The following DOCK3 variants were observed in gnomAD, a reference collection of about 807,000 sequenced individuals.
DOCK3 encodes the protein dedicator of cytokinesis 3, also known as dedicator of cytokinesis protein 3.
DOCK3 carries 60 observed loss-of-function variants against 265.6 expected under a neutral mutation model. The observed-to-expected ratio is 0.23, with a 90% CI of 0.18 to 0.28. The LOEUF is 0.28. Ranked by LOEUF, DOCK3 falls within the 10% of genes least tolerant of loss-of-function variation. The pLI is 1.00. For missense variants in DOCK3, 1,981 were observed against 2,594.3 expected, an observed-to-expected ratio of 0.76 and a Z score of 5.14; for synonymous variants, 881 against 938.0, an observed-to-expected ratio of 0.94 and a Z score of 1.11.
In DOCK3 at chr3:51,360,608, G is replaced by T. The variant is rs763821787; in HGVS notation, c.4982G>T (p.Ser1661Ile). Residue 1661 changes from serine to isoleucine, a missense_variant, in exon 47 of 53, where the codon AGC (serine) becomes ATC (isoleucine). Transcript: ENST00000266037. ...LASHSPMSPE[S>I]IKMTHRHSPM... is the part of the protein sequence containing the mutation. ...TCCCATAGCCCCATGAGTCCGGAGA[G>T]CATCAAGATGACCCACCGGCACAGG... is the stretch of plus-strand genomic sequence containing the variant. 1.9e-6 allele frequency: 3 copies of T among 1,613,806 alleles called. No homozygotes were observed. Among genetic ancestry groups the T allele is most frequent in the Non-Finnish European group, 2.5e-6 (3 of 1,179,874 alleles).
intron 2 of DOCK3, among the ~76,000 whole-genome samples, chr3:50,822,066 A>G (rs999429817): frequency 6.6e-6 from 1 of 152,166 alleles, no homozygotes; most frequent in African/African-American, 2.4e-5. Flanking sequence ...TGATAGGAAT[A>G]GTGTTGAATC....
At chr3:51,034,060 G>C (rs986366593) in intron 5 of DOCK3, among the ~76,000 whole-genome samples, 1 of 152,062 alleles carries the variant, frequency 6.6e-6, no homozygotes, top group Non-Finnish European at 1.5e-5. Flanking sequence ...TTCTTGTTCA[G>C]ACTTGTGTCA....
chr3:51,208,907 T>G (rs1374350784), intron 13 of DOCK3, 45 bp downstream of exon 13: 1 of 1,541,828 alleles, frequency 6.5e-7, no homozygotes, highest in Non-Finnish European at 8.8e-7. Context: ...ACATTTGTAG[T>G]TGCTACTCAT....
At chr3:51,126,108 CAGAG>C (rs573973008) in intron 9 of DOCK3, among the ~76,000 whole-genome samples, 1 of 152,136 alleles carries the variant, frequency 6.6e-6, no homozygotes, top group Non-Finnish European at 1.5e-5. Context: ...TAAGTACAGT[CAGAG>C]AGACTGAGAG....
chr3:50,933,942 C>T (rs751944895), intron 4 of DOCK3, 39 bp from the exon 5 acceptor site: 5 of 1,407,658 alleles, frequency 3.6e-6, no homozygotes, highest in Non-Finnish European at 4.8e-6. Flanking sequence ...AGATTTTTTT[C>T]AGAGATAATG....
intron 3 of DOCK3, among the ~76,000 whole-genome samples, chr3:50,846,114 A>G (rs1204107213): frequency 3.9e-5 from 6 of 152,224 alleles, no homozygotes; most frequent in African/African-American, 1.4e-4. Flanking sequence ...AAAGAATAGC[A>G]CTGCAAATGA....
intron 27 of DOCK3, among the ~76,000 whole-genome samples, chr3:51,307,825 G>A (rs1283877270): frequency 6.7e-6 from 1 of 148,962 alleles, no homozygotes; most frequent in Non-Finnish European, 1.5e-5. Flanking sequence ...CCATTCTCTG[G>A]TTTGCCCGAA....
At position 50,976,670 on chromosome 3, in the gene DOCK3, A is replaced by G. The variant is rs571651092; in HGVS notation, c.315+42593A>G. On this transcript the variant is annotated intron_variant, in intron 5 of 52. Coordinates refer to ENST00000266037, the MANE Select transcript of DOCK3 (RefSeq NM_004947.5). The stretch of plus-strand genomic sequence containing the variant: ...GATGTCTATTAGGTCTGCTTGGTGC[A>G]GAGCTGAGTTCAATTGCTGGGTATC... Among the ~76,000 whole-genome samples the G allele has an allele frequency of 7.1e-4, 108 of 152,108 alleles. 1 individual carries two copies. The highest frequency in any genetic ancestry group is 6.2e-3 in the East Asian group (32 of 5,164).
At chr3:51,300,006 T>C (rs535159013) in intron 27 of DOCK3, among the ~76,000 whole-genome samples, 27 of 152,360 alleles carry the variant, frequency 1.8e-4, no homozygotes, top group African/African-American at 5.8e-4. Flanking sequence ...CTTTGGGCAG[T>C]ATGGCCATTT....
chr3:51,334,361 T>G (rs1028961388), intron 35 of DOCK3, among the ~76,000 whole-genome samples: 2 of 152,192 alleles, frequency 1.3e-5, no homozygotes, highest in African/African-American at 4.8e-5. Flanking sequence ...CTCTGTGCTA[T>G]AAGCTGTGCA....
chr3:50,831,188 TATTTATTTATTTA>T (rs762460923), intron 2 of DOCK3, among the ~76,000 whole-genome samples: 31 of 127,288 alleles, frequency 2.4e-4, no homozygotes, highest in Non-Finnish European at 3.8e-4. Context: ...CAACCTGTTT[TATTTATTTATTTA>T]TTTATTTATT....
At chr3:50,735,856 C>T (rs1249893869) in intron 1 of DOCK3, among the ~76,000 whole-genome samples, 1 of 152,128 alleles carries the variant, frequency 6.6e-6, no homozygotes, top group African/African-American at 2.4e-5. Flanking sequence ...GGGGGGGCCT[C>T]AGGGAGCTTT....
intron 22 of DOCK3, among the ~76,000 whole-genome samples, chr3:51,251,017 C>T (rs555413685): frequency 4.6e-5 from 7 of 152,286 alleles, no homozygotes; most frequent in Admixed American, 3.9e-4. Flanking sequence ...TATCCCTCCC[C>T]CATCCCCCAA....
chr3:51,107,460 C>A (rs2083331513), intron 9 of DOCK3, among the ~76,000 whole-genome samples: 1 of 152,094 alleles, frequency 6.6e-6, no homozygotes, highest in Admixed American at 6.5e-5. Flanking sequence ...AGCTAAGAAT[C>A]ACAGTAAAAC....
At chr3:51,224,505 A>C (rs1278888958) in intron 14 of DOCK3, among the ~76,000 whole-genome samples, 1 of 152,194 alleles carries the variant, frequency 6.6e-6, no homozygotes, top group Non-Finnish European at 1.5e-5. Context: ...ACCAAAAACA[A>C]ACCCTGCTTC....
At chr3:50,889,442 G>C (rs1420270149) in intron 3 of DOCK3, among the ~76,000 whole-genome samples, 1 of 150,522 alleles carries the variant, frequency 6.6e-6, no homozygotes, top group African/African-American at 2.4e-5. Context: ...GCGAAACATT[G>C]ATTGGAAAAC....
chr3:50,909,177 T>C (rs912575946), intron 4 of DOCK3, among the ~76,000 whole-genome samples: 1 of 152,066 alleles, frequency 6.6e-6, no homozygotes, highest in African/African-American at 2.4e-5. Flanking sequence ...ATCTTGCCAT[T>C]CTGTGTCTTT....
At chr3:50,972,369 A>G (rs2077264562) in intron 5 of DOCK3, among the ~76,000 whole-genome samples, 3 of 152,152 alleles carry the variant, frequency 2.0e-5, no homozygotes, top group African/African-American at 7.2e-5. Context: ...CCCTCTCTGT[A>G]TCTGCGCCTG....
Position 51,314,856 on chromosome 3 carries a change from G to A in DOCK3, c.3254-124G>A, listed in dbSNP as rs1057421523. ...GGGAGAGTACCTCAGAAAACCATAG[G>A]GGAGAGCTTGTTTTGCTCTCAGAAG... On this transcript the variant is annotated intron_variant, in intron 31 of 52. Transcript: ENST00000266037. 1.8e-5 allele frequency: 21 copies of A among 1,186,738 alleles called. No individual in the cohort carries two copies. The South Asian group carries it at 4.1e-4, about 23-fold the overall frequency. 73.5% of individuals were successfully genotyped at this position (1,186,738 alleles called of 1,614,324 possible). A position where few individuals can be genotyped will look rare whatever the true frequency, so the allele number is the denominator to read the frequency against.
Sources: gnomAD v4.1 joint callset for allele counts (sites outside exome capture counted in the v4.1 genomes callset) on GRCh38, gnomAD v4.1.1 for gene constraint, MANE v1.5 for transcripts, NCBI Gene and HGNC (gene_info 2026-07-23, HGNC 2026-07-21) for gene names.